ATP11B: variants seen among roughly 807,000 people sequenced by gnomAD.
ATP11B encodes phospholipid-transporting ATPase IF.
ATP11B carries 81 observed loss-of-function variants against 157.8 expected under a neutral mutation model. The ratio of observed to expected loss-of-function variants is 0.51; its 90% confidence interval spans 0.43 to 0.62. The LOEUF is 0.62. Among genes scored for constraint, ATP11B ranks in the 20% least tolerant of loss-of-function variants. The pLI, the probability that ATP11B is intolerant of heterozygous loss-of-function variation, is 0.00. For synonymous variants in ATP11B, 451 were observed against 469.4 expected, an observed-to-expected ratio of 0.96 and a Z score of 0.51; for missense variants, 1,165 against 1,402.2, an observed-to-expected ratio of 0.83 and a Z score of 2.70.
chr3:182,888,687 A>G (rs1471441353), intron 24 of ATP11B, among the ~76,000 whole-genome samples: 4 of 151,456 alleles, frequency 2.6e-5, no homozygotes, highest in African/African-American at 9.7e-5. Flanking sequence ...TGCCTCACTA[A>G]TTTTTTAAAC....
chr3:182,850,057 T>C (rs1340607827), intron 10 of ATP11B, among the ~76,000 whole-genome samples: 10 of 152,086 alleles, frequency 6.6e-5, no homozygotes, highest in Non-Finnish European at 4.4e-5. Flanking sequence ...CGATAACCAG[T>C]TCTCATCAGA....
chr3:182,798,418 G>C (rs1416620346), intron 1 of ATP11B, among the ~76,000 whole-genome samples: 1 of 152,158 alleles, frequency 6.6e-6, no homozygotes, highest in Non-Finnish European at 1.5e-5. Context: ...GGAAGCACTG[G>C]CCTAGGGTGG....
At chr3:182,873,565 A>G (rs1399491080) in intron 18 of ATP11B, among the ~76,000 whole-genome samples, 1 of 152,254 alleles carries the variant, frequency 6.6e-6, no homozygotes, top group Non-Finnish European at 1.5e-5. Flanking sequence ...CTTTGAAGAT[A>G]CATTCTTAAA....
chr3:182,805,830 T>C lies in ATP11B; in HGVS notation c.27+12044T>C, dbSNP rs986948927. On this transcript the variant is annotated intron_variant, in intron 1 of 29. Coordinates refer to ENST00000323116, the MANE Select transcript of ATP11B (RefSeq NM_014616.3). The stretch of plus-strand genomic sequence containing the variant: ...TTGAGTTGTAAGACTTCTTTATATA[T>C]TCTAGATATAAGACCTTTATGAGAT... 3.1e-4 allele frequency among the ~76,000 whole-genome samples: 47 copies of C among 152,160 alleles called. 1 individual carries two copies. Among genetic ancestry groups the C allele is most frequent in the Admixed American group, 3.1e-3 (47 of 15,280 alleles).
At chr3:182,892,558 A>G (rs1229165811) in intron 25 of ATP11B, among the ~76,000 whole-genome samples, 1 of 152,222 alleles carries the variant, frequency 6.6e-6, no homozygotes, top group Non-Finnish European at 1.5e-5. Context: ...ATTCAGGGAA[A>G]GTTAAGACTT....
intron 2 of ATP11B, among the ~76,000 whole-genome samples, chr3:182,822,416 C>CT (rs975884277): frequency 2.0e-5 from 3 of 152,146 alleles, no homozygotes; most frequent in African/African-American, 7.2e-5. Context: ...TGGTTTCCAG[C>CT]TTCATCCGTG....
chr3:182,904,138 C>T (rs982232557), intron 28 of ATP11B, among the ~76,000 whole-genome samples: 1 of 152,166 alleles, frequency 6.6e-6, no homozygotes, highest in Non-Finnish European at 1.5e-5. Flanking sequence ...GTTGAGAGAG[C>T]GGCAGACCTG....
intron 10 of ATP11B, among the ~76,000 whole-genome samples, chr3:182,853,293 C>T (rs1273169951): frequency 6.6e-6 from 1 of 152,068 alleles, no homozygotes; most frequent in Non-Finnish European, 1.5e-5. Context: ...CTGCAACCTC[C>T]GCCTCCCGGG....
rs1288553991 is a variant in ATP11B at position 182,917,978 on chromosome 3, A to G, written c.3453-45A>G. ...AGAGTAAATTTTTTTCTCAATTAAAACATAGGTCCTGGTGAGCCAAACTTT... is the reference window on the plus strand; with the variant it reads ...AGAGTAAATTTTTTTCTCAATTAAAGCATAGGTCCTGGTGAGCCAAACTTT... On this transcript the variant is annotated intron_variant, in intron 29 of 29. Coordinates refer to ENST00000323116, the MANE Select transcript of ATP11B (RefSeq NM_014616.3). 1.9e-6 allele frequency: 3 copies of G among 1,601,246 alleles called. No homozygotes were observed. The Admixed American group carries it at 5.1e-5, about 27-fold the overall frequency.
intron 13 of ATP11B, 117 bp from the exon 14 acceptor site, chr3:182,866,151 A>C (rs536602378): frequency 4.9e-5 from 36 of 730,724 alleles, no homozygotes; most frequent in Non-Finnish European, 7.0e-5. Context: ...ACCAACTGTT[A>C]TTCAGGCAAT....
In ATP11B at chr3:182,880,950, A is replaced by G; in HGVS notation, c.2478A>G (p.Val826=). ...CTGTTGGTGATGGTGCTAATGACGTAAGCATGATACAAGAAGCCCATGTTG... is the reference window on the plus strand; with the variant it reads ...CTGTTGGTGATGGTGCTAATGACGTGAGCATGATACAAGAAGCCCATGTTG... ...TLAVGDGAND[V]SMIQEAHVGI... Residue 826 remains valine, a synonymous_variant, in exon 21 of 30, where the codon GTA becomes GTG. Transcript: ENST00000323116. 6.3e-7 allele frequency: 1 copy of G among 1,597,190 alleles called. No homozygotes were observed. Among genetic ancestry groups the G allele is most frequent in the Non-Finnish European group, 8.5e-7 (1 of 1,172,982 alleles).
intron 1 of ATP11B, among the ~76,000 whole-genome samples, chr3:182,799,742 G>A (rs544858764): frequency 2.7e-4 from 41 of 152,202 alleles, no homozygotes; most frequent in African/African-American, 7.9e-4. Context: ...TATAAACATA[G>A]TTGAAAGATT....
chr3:182,911,260 G>C (rs1485178627), intron 28 of ATP11B, among the ~76,000 whole-genome samples: 1 of 70,796 alleles, frequency 1.4e-5, no homozygotes, highest in Non-Finnish European at 2.2e-5. Flanking sequence ...CCCATCTCCT[G>C]CTATTGAAAT....
intron 1 of ATP11B, among the ~76,000 whole-genome samples, chr3:182,819,428 AG>A (rs902910736): frequency 6.6e-6 from 1 of 152,184 alleles, no homozygotes; most frequent in African/African-American, 2.4e-5. Flanking sequence ...AGTGTCTTGA[AG>A]GTTCACTTGC....
chr3:182,793,707 TGCA>T lies in ATP11B; in HGVS notation c.-50_-48del. 1 of 1,333,198 alleles carries T rather than the reference TGCA, an allele frequency of 7.5e-7. No individual in the cohort carries two copies. Among genetic ancestry groups the T allele is most frequent in the Non-Finnish European group, 9.9e-7 (1 of 1,009,800 alleles). 82.6% of individuals were successfully genotyped at this position (1,333,198 alleles called of 1,614,324 possible). ...CGCCTCTGTCTTGTCGGCCTCCACCTGCAGCCCCGCGGCCCCCGCGCCCCGCGG... is the reference window on the plus strand; with the variant it reads ...CGCCTCTGTCTTGTCGGCCTCCACCTGCCCCGCGGCCCCCGCGCCCCGCGG... On this transcript the variant is annotated 5_prime_UTR_variant, in exon 1 of 30. Transcript: ENST00000323116.
chr3:182,860,450 C>T (rs1173828536), intron 12 of ATP11B, among the ~76,000 whole-genome samples: 1 of 152,282 alleles, frequency 6.6e-6, no homozygotes, highest in East Asian at 1.9e-4. Flanking sequence ...TTCTGAAATT[C>T]ATGATGGTGT....
chr3:182,869,367 A>T (rs759851634), intron 17 of ATP11B, 36 bp downstream of exon 17: 2 of 1,291,670 alleles, frequency 1.5e-6, no homozygotes, highest in Non-Finnish European at 2.1e-6. Flanking sequence ...AAAACTCTAA[A>T]AGATATATTT....
At chr3:182,882,573 G>C (rs1722501844) in intron 21 of ATP11B, among the ~76,000 whole-genome samples, 1 of 151,770 alleles carries the variant, frequency 6.6e-6, no homozygotes, top group Non-Finnish European at 1.5e-5. Flanking sequence ...GATGGATTAG[G>C]ATTTAAGTAA....
chr3:182,870,644 G>A (rs894748796), intron 17 of ATP11B, among the ~76,000 whole-genome samples: 7 of 152,176 alleles, frequency 4.6e-5, no homozygotes, highest in African/African-American at 1.4e-4. Context: ...ATAGGTATGG[G>A]TCATTTATAA....
Sources: allele counts gnomAD v4.1 joint callset (sites outside exome capture counted in the v4.1 genomes callset), GRCh38; gene constraint gnomAD v4.1.1; transcripts MANE v1.5; gene names NCBI Gene and HGNC (gene_info 2026-07-23, HGNC 2026-07-21).